ADGRF5: variants seen among roughly 807,000 people sequenced by gnomAD.
ADGRF5 encodes G-protein coupled receptor 116.
In ADGRF5, 75 loss-of-function variants were observed where a neutral mutation model predicts 132.3. The ratio of observed to expected loss-of-function variants is 0.57; its 90% CI spans 0.47 to 0.69. The LOEUF (loss-of-function observed/expected upper bound fraction) is 0.69, where lower values mean the gene tolerates loss of function less well. Among genes scored for constraint, ADGRF5 ranks in the 30% least tolerant of loss-of-function variants. The pLI, the probability that ADGRF5 is intolerant of heterozygous loss-of-function variation, is 0.00. For synonymous variants in ADGRF5, 629 were observed against 597.6 expected, an observed-to-expected ratio of 1.05 and a Z score of -0.77; for missense variants, 1,516 against 1,630.6, an observed-to-expected ratio of 0.93 and a Z score of 1.21.
intron 17 of ADGRF5, among the ~76,000 whole-genome samples, chr6:46,857,600 T>C (rs902705737): frequency 6.6e-5 from 10 of 152,206 alleles, no homozygotes; most frequent in African/African-American, 1.9e-4. Flanking sequence ...TGTTTTTTCA[T>C]TGTAGTATAA....
rs1445785602 is a variant in ADGRF5, at chr6:46,862,922, G to A, written c.2165C>T (p.Ser722Phe). The A allele has an allele frequency of 6.2e-7, 1 of 1,612,834 alleles. No homozygotes were observed. The highest frequency in any genetic ancestry group is 8.5e-7 in the Non-Finnish European group (1 of 1,179,390). Residue 722 changes from serine (S) to phenylalanine (F), a missense_variant, in exon 15 of 21, where the codon TCT (serine) becomes TTT (phenylalanine). Physicochemically the swap from Ser to Phe is radical, Grantham distance 155. Around this residue, in one of 2 missense-constraint regions of ADGRF5, gnomAD observed 945 missense variants for 929.4 expected, o/e 1.02. Transcript: ENST00000283296. ...CTGGAGCAGACTGTTTATTGGGGCA[G>A]AGATGCAGTCATTTCTCTTCTCCTC... The part of the protein sequence containing the change: ...QWEEKRNDCI[S>F]APINSLLQMA...
rs1373211811 is a variant in ADGRF5 at position 46,858,884 on chromosome 6, G to T, written c.3019C>A (p.Leu1007Ile). The change falls in exon 17 of 21, where the codon CTC becomes ATC. Residue 1007 changes from leucine to isoleucine, a missense_variant. By Grantham distance (5) the Leu-to-Ile change is conservative. This residue lies in a region of ADGRF5 where 571 missense variants were observed against 701.2 expected (regional missense o/e 0.81). Coordinates refer to ENST00000283296, the MANE Select transcript of ADGRF5 (RefSeq NM_001098518.2). ...MSPDSPDPSS[L>I]LGILLDIISY... ...ATAATATCCAGGAGTATTCCCAGGA[G>T]AGAACTAGGATCTGGGGAGTCAGGG... The T allele has an allele frequency of 3.7e-6, 6 of 1,614,072 alleles. No individual in the cohort carries two copies. The highest frequency in any genetic ancestry group is 5.1e-6 in the Non-Finnish European group (6 of 1,179,934).
chr6:46,903,876 G>A (rs921467138), intron 2 of ADGRF5, among the ~76,000 whole-genome samples: 2 of 152,144 alleles, frequency 1.3e-5, no homozygotes, highest in African/African-American at 2.4e-5. Context: ...CTGTGCTGTG[G>A]GTTGCATGTA....
At chr6:46,927,415 A>G (rs1777308295) in intron 1 of ADGRF5, among the ~76,000 whole-genome samples, 1 of 152,150 alleles carries the variant, frequency 6.6e-6, no homozygotes, top group Admixed American at 6.5e-5. Context: ...AGCCAGACTT[A>G]GAATTCAGAT....
chr6:46,890,465 C>T (rs1773536075), intron 3 of ADGRF5, among the ~76,000 whole-genome samples: 1 of 152,096 alleles, frequency 6.6e-6, no homozygotes, highest in African/African-American at 2.4e-5. Flanking sequence ...CGCCTGTAAT[C>T]CCAGCACTTT....
upstream of ADGRF5, among the ~76,000 whole-genome samples, chr6:46,924,360 T>C (rs1252572023): frequency 6.6e-6 from 1 of 152,224 alleles, no homozygotes. Flanking sequence ...GGCACTAGTC[T>C]TATTTATGTT....
rs775483137 is a variant in ADGRF5, at chr6:46,865,193, T to C, written c.1839A>G (p.Lys613=). The C allele has an allele frequency of 5.6e-6, 9 of 1,607,158 alleles. No individual in the cohort carries two copies. In the African/African-American group the frequency reaches 1.1e-4, roughly 19 times the overall value. ...AGCACACTTGTTTTTTGTTAACTTC[T>C]TTTGCTGAAGACAGAATTATTGAAA... ...HTGSSSLPAA[K]EVNKKQVCYK... is the part of the protein sequence containing the mutation. The change falls in exon 14 of 21, where the codon AAA becomes AAG. Residue 613 remains lysine (K), a synonymous_variant. Transcript: ENST00000283296.
At chr6:46,893,534 G>A (rs547280280) in intron 3 of ADGRF5, among the ~76,000 whole-genome samples, 9 of 152,124 alleles carry the variant, frequency 5.9e-5, no homozygotes, top group Non-Finnish European at 7.4e-5. Context: ...CACCTGTCCC[G>A]CTCAACCTGA....
intron 1 of ADGRF5, among the ~76,000 whole-genome samples, chr6:46,908,206 T>C (rs1396480522): frequency 6.6e-6 from 1 of 152,226 alleles, no homozygotes; most frequent in Non-Finnish European, 1.5e-5. Flanking sequence ...TTGGGGGAAA[T>C]GCTTTGCAAT....
chr6:46,916,850 C>T (rs987340381), intron 1 of ADGRF5, among the ~76,000 whole-genome samples: 4 of 152,228 alleles, frequency 2.6e-5, no homozygotes, highest in African/African-American at 9.6e-5. Context: ...ATAGAGCAAA[C>T]TGACCCACTC....
intron 1 of ADGRF5, among the ~76,000 whole-genome samples, chr6:46,929,769 A>C (rs1313341981): frequency 6.6e-6 from 1 of 151,994 alleles, no homozygotes; most frequent in Non-Finnish European, 1.5e-5. Flanking sequence ...AAATTAGCTC[A>C]ATGTTTCCAG....
chr6:46,881,959 T>C, intron 7 of ADGRF5, 90 bp downstream of exon 7: 1 of 968,052 alleles, frequency 1.0e-6, no homozygotes, highest in South Asian at 1.3e-5. Context: ...GGATTCCACA[T>C]GAATAATGCC....
chr6:46,901,360 G>A (rs1774744130), intron 2 of ADGRF5, among the ~76,000 whole-genome samples: 1 of 152,052 alleles, frequency 6.6e-6, no homozygotes, highest in African/African-American at 2.4e-5. Flanking sequence ...TCTCTCTGAA[G>A]TCTCCCAGAT....
upstream of ADGRF5, among the ~76,000 whole-genome samples, chr6:46,925,970 A>C (rs1361261396): frequency 1.3e-5 from 2 of 151,950 alleles, no homozygotes; most frequent in African/African-American, 4.9e-5. Flanking sequence ...CTTTTGACCC[A>C]AGGTCAGCTC....
intron 20 of ADGRF5, chr6:46,854,568 T>C (rs1030571417): frequency 2.3e-5 from 10 of 442,146 alleles, no homozygotes; most frequent in African/African-American, 8.1e-5. Context: ...GTCAGGAATG[T>C]CAACAGAACT....
In ADGRF5 at chr6:46,881,478, T is replaced by C. The variant is rs751174444; in HGVS notation, c.791A>G (p.Asn264Ser). 1.9e-5 allele frequency: 30 copies of C among 1,613,208 alleles called. No homozygotes were observed. The highest frequency in any genetic ancestry group is 2.4e-5 in the Non-Finnish European group (28 of 1,179,346). Residue 264 changes from asparagine (N) to serine (S), a missense_variant, in exon 8 of 21, where the codon AAC becomes AGC. By Grantham distance (46) the Asn-to-Ser change is conservative. Transcript: ENST00000283296. ...ACTGATAGTAACTGCTTGAAAGGAG[T>C]TGTAGTCCATTTTGTAGGTCTGATT... Reference protein sequence around the residue: ...SLNQTYKMDYNSFQAVTINES... With the variant: ...SLNQTYKMDYSSFQAVTINES...
chr6:46,953,516 G>A (rs555149131), intron 1 of ADGRF5, among the ~76,000 whole-genome samples: 9 of 151,534 alleles, frequency 5.9e-5, no homozygotes, highest in African/African-American at 2.2e-4. Flanking sequence ...CAGCTACTTG[G>A]GAGGCTGAGG....
At position 46,871,844 on chromosome 6, in the gene ADGRF5, C is replaced by T. The variant is rs1476283042; in HGVS notation, c.1410G>A (p.Val470=). Residue 470 remains valine, a splice_region_variant and synonymous_variant, in exon 11 of 21, where the codon GTG becomes GTA. Transcript: ENST00000283296. ...SANIKVTFIS[V]ANLTITPDPI... ...AAAAATGCTAGGGAGAGTCCTTACC[C>T]ACAGAGATGAATGTCACTTTTATGT... is the stretch of plus-strand genomic sequence containing the variant. The T allele has an allele frequency of 5.0e-6, 8 of 1,590,220 alleles. No homozygotes were observed. In the Admixed American group the frequency reaches 5.1e-5, roughly 10 times the overall value.
At chr6:46,923,291 G>A (rs1390672169), upstream of ADGRF5, among the ~76,000 whole-genome samples, 1 of 152,174 alleles carries the variant, frequency 6.6e-6, no homozygotes, top group East Asian at 1.9e-4. Flanking sequence ...AGACTCTGCT[G>A]AAACTGAAGA....
Sources: allele counts gnomAD v4.1 joint callset (sites outside exome capture counted in the v4.1 genomes callset), GRCh38; gene constraint gnomAD v4.1.1; regional missense constraint gnomAD v4.1.1; transcripts MANE v1.5; gene names NCBI Gene and HGNC (gene_info 2026-07-23, HGNC 2026-07-21).